The following GNAQ variants were observed in gnomAD, a reference collection of about 807,000 sequenced individuals.
GNAQ encodes the protein G protein subunit alpha q.
In GNAQ, 8 loss-of-function variants were observed where a neutral mutation model predicts 43.9. That is an observed-to-expected ratio of 0.18 (90% CI 0.11 to 0.33). The LOEUF (loss-of-function observed/expected upper bound fraction) is 0.33, where lower values mean the gene tolerates loss of function less well. Ranked by LOEUF, GNAQ falls within the 10% of genes least tolerant of loss-of-function variation. The pLI is 1.00. For missense variants in GNAQ, 158 were observed against 450.8 expected, an observed-to-expected ratio of 0.35 and a Z score of 5.88; for synonymous variants, 155 against 170.7, an observed-to-expected ratio of 0.91 and a Z score of 0.71.
At chr9:77,774,661 C>T (rs1415140179) in intron 5 of GNAQ, among the ~76,000 whole-genome samples, 1 of 152,140 alleles carries the variant, frequency 6.6e-6, no homozygotes, top group Non-Finnish European at 1.5e-5. Flanking sequence ...CAGGGTCTCA[C>T]TCTGTTGTCC....
intron 1 of GNAQ, among the ~76,000 whole-genome samples, chr9:78,016,459 G>A (rs1163852455): frequency 1.3e-5 from 2 of 152,144 alleles, no homozygotes; most frequent in Non-Finnish European, 2.9e-5. Context: ...GCCAAGGTGG[G>A]CGGATCACGA....
chr9:77,889,533 G>A (rs895394029), intron 2 of GNAQ, among the ~76,000 whole-genome samples: 2 of 151,230 alleles, frequency 1.3e-5, no homozygotes, highest in Non-Finnish European at 2.9e-5. Context: ...GTAAATTGCA[G>A]GGTTTTCAGA....
intron 6 of GNAQ, 45 bp from the exon 7 acceptor site, chr9:77,721,558 T>C: frequency 8.9e-7 from 1 of 1,125,472 alleles, no homozygotes; most frequent in Non-Finnish European, 1.3e-6. Context: ...CCTAATCTGC[T>C]AATGTATTCA....
At chr9:77,729,643 T>G (rs1564093147) in intron 5 of GNAQ, among the ~76,000 whole-genome samples, 1 of 152,168 alleles carries the variant, frequency 6.6e-6, no homozygotes, top group African/African-American at 2.4e-5. Context: ...ATTTGGGAAT[T>G]CTCCTTCCCA....
chr9:77,815,901 A>G, intron 2 of GNAQ, 131 bp from the exon 3 acceptor site: 1 of 551,922 alleles, frequency 1.8e-6, no homozygotes, highest in South Asian at 3.0e-5. Context: ...GTTTACAATA[A>G]AGTCATGTTT....
At chr9:77,802,512 G>A (rs772821627) in intron 3 of GNAQ, among the ~76,000 whole-genome samples, 7 of 151,942 alleles carry the variant, frequency 4.6e-5, no homozygotes, top group Non-Finnish European at 1.0e-4. Flanking sequence ...TGGAATATGA[G>A]GGACAGGTTC....
intron 2 of GNAQ, among the ~76,000 whole-genome samples, chr9:77,826,585 T>C (rs760387907): frequency 9.1e-4 from 139 of 152,212 alleles, no homozygotes; most frequent in Non-Finnish European, 1.4e-3. Context: ...ATGGTTTGGG[T>C]TGTCAGGGGT....
At chr9:77,938,268 G>A in intron 1 of GNAQ, among the ~76,000 whole-genome samples, 1 of 152,126 alleles carries the variant, frequency 6.6e-6, no homozygotes, top group East Asian at 1.9e-4. Flanking sequence ...CACAGCCTAT[G>A]GATTCAGAAG....
At chr9:77,800,980 A>C (rs890104543) in intron 3 of GNAQ, among the ~76,000 whole-genome samples, 92 of 152,212 alleles carry the variant, frequency 6.0e-4, no homozygotes, top group African/African-American at 2.1e-3. Flanking sequence ...CTACTCGCTT[A>C]ATGCCGTACA....
At chr9:77,852,597 T>C (rs557390836) in intron 2 of GNAQ, among the ~76,000 whole-genome samples, 1 of 152,176 alleles carries the variant, frequency 6.6e-6, no homozygotes, top group Non-Finnish European at 1.5e-5. Context: ...CACAGCAAGG[T>C]GAATTTACAT....
rs1387454204 is a variant in GNAQ at position 77,797,651 on chromosome 9, AGAGGAGG to A, written c.477-10_477-4del. The A allele has an allele frequency of 1.2e-6, 2 of 1,612,870 alleles. No individual in the cohort carries two copies. Among genetic ancestry groups the A allele is most frequent in the Admixed American group, 3.3e-5 (2 of 59,884 alleles). On this transcript the variant is annotated splice_polypyrimidine_tract_variant and splice_region_variant and intron_variant, in intron 3 of 6. Coordinates refer to ENST00000286548, the MANE Select transcript of GNAQ (RefSeq NM_002072.5). ...CGCGGTCCAAGTCATTAAGATAGCT[AGAGGAGG>A]GAAGACACAATGAGAATGTCAGTGA... is the stretch of plus-strand genomic sequence containing the variant.
chr9:77,910,345 T>G (rs991387457), intron 2 of GNAQ, among the ~76,000 whole-genome samples: 1 of 152,222 alleles, frequency 6.6e-6, no homozygotes, highest in Non-Finnish European at 1.5e-5. Flanking sequence ...AATAGATGCA[T>G]TGTTTTAAAA....
chr9:77,864,089 T>A (rs940205928), intron 2 of GNAQ, among the ~76,000 whole-genome samples: 8 of 151,674 alleles, frequency 5.3e-5, no homozygotes, highest in African/African-American at 1.9e-4. Context: ...AGGCTGCTTC[T>A]GCTCAAGGCA....
intron 2 of GNAQ, among the ~76,000 whole-genome samples, chr9:77,909,944 C>T (rs1828772429): frequency 6.6e-6 from 1 of 152,036 alleles, no homozygotes; most frequent in African/African-American, 2.4e-5. Context: ...GCATTTCTTG[C>T]TGATATTCAT....
chr9:77,924,507 T>G (rs2081630903), intron 1 of GNAQ, among the ~76,000 whole-genome samples: 1 of 152,190 alleles, frequency 6.6e-6, no homozygotes, highest in Non-Finnish European at 1.5e-5. Context: ...CAGGACCTTT[T>G]TTCTCCTGGT....
intron 3 of GNAQ, among the ~76,000 whole-genome samples, chr9:77,810,435 T>C (rs1826902204): frequency 6.6e-6 from 1 of 152,196 alleles, no homozygotes; most frequent in East Asian, 1.9e-4. Context: ...TAGACGGGGA[T>C]GCTAATAACT....
chr9:78,004,023 G>T lies in GNAQ; in HGVS notation c.136+27077C>A, dbSNP rs748446097. 1.1e-3 allele frequency among the ~76,000 whole-genome samples: 169 copies of T among 152,056 alleles called. 1 individual carries two copies. The highest frequency in any genetic ancestry group is 6.9e-4 in the Non-Finnish European group (47 of 68,014). ...CAGGTTGCTATGGAGGAACAAATGT[G>T]TATAAATCATCACAATTACAAGATG... is the stretch of plus-strand genomic sequence containing the variant. On this transcript the variant is annotated intron_variant, in intron 1 of 6. Transcript: ENST00000286548.
chr9:78,029,975 CT>C (rs1298414559), intron 1 of GNAQ, among the ~76,000 whole-genome samples: 1 of 152,102 alleles, frequency 6.6e-6, no homozygotes, highest in Non-Finnish European at 1.5e-5. Context: ...ACCCTGATCG[CT>C]TGATTCTGAA....
intron 2 of GNAQ, among the ~76,000 whole-genome samples, chr9:77,920,218 T>C (rs1374835198): frequency 6.6e-6 from 1 of 152,102 alleles, no homozygotes; most frequent in African/African-American, 2.4e-5. Context: ...AAGGCATAAA[T>C]TCCACCCCAT....
Sources: gnomAD v4.1 joint callset for allele counts (sites outside exome capture counted in the v4.1 genomes callset) on GRCh38, gnomAD v4.1.1 for gene constraint, MANE v1.5 for transcripts, NCBI Gene and HGNC (gene_info 2026-07-23, HGNC 2026-07-21) for gene names.